Variants in STK3 observed in about 807,000 individuals in gnomAD.
The protein encoded by STK3 is serine/threonine kinase 3, also known as serine/threonine-protein kinase 3.
In STK3, 41 loss-of-function variants were observed where a neutral mutation model predicts 58.0. That is an observed-to-expected ratio of 0.71 (90% confidence interval 0.55 to 0.92). The LOEUF is 0.92. STK3 is among the 40% of genes least tolerant of loss of function. STK3 has a pLI of 0.00. For synonymous variants in STK3, 170 were observed against 191.0 expected (o/e 0.89, Z 0.91); for missense variants, 479 against 602.7 (o/e 0.79, Z 2.15).
intron 1 of STK3, among the ~76,000 whole-genome samples, chr8:98,899,695 C>T (rs1470456411): frequency 6.6e-6 from 1 of 152,048 alleles, no homozygotes; most frequent in Non-Finnish European, 1.5e-5. Flanking sequence ...TATTCTGTGC[C>T]AAGGGCATGA....
chr8:98,526,458 A>G (rs1311012576), intron 10 of STK3: 1 of 200,382 alleles, frequency 5.0e-6, no homozygotes, highest in Non-Finnish European at 9.9e-6. Flanking sequence ...ACATCTTTTA[A>G]AATAGTTGTC....
At chr8:98,882,076 A>G (rs1587796454), downstream of STK3, 1 of 152,174 alleles carries the variant, frequency 6.6e-6, no homozygotes, top group African/African-American at 2.4e-5. Flanking sequence ...TTGATAATCA[A>G]TTCTAACTAT....
chr8:98,749,172 T>G, intron 4 of STK3, 104 bp downstream of exon 4: 1 of 856,598 alleles, frequency 1.2e-6, no homozygotes, highest in Non-Finnish European at 1.8e-6. Flanking sequence ...AAACCTTTTC[T>G]TTTTTCATGC....
At chr8:98,935,479 T>C (rs111277328) in intron 1 of STK3, among the ~76,000 whole-genome samples, 1 of 152,206 alleles carries the variant, frequency 6.6e-6, no homozygotes, top group Non-Finnish European at 1.5e-5. Flanking sequence ...CCCAAATTAA[T>C]TGCATCATTA....
chr8:98,524,676 G>A (rs1211264908), intron 10 of STK3, among the ~76,000 whole-genome samples: 1 of 152,140 alleles, frequency 6.6e-6, no homozygotes, highest in African/African-American at 2.4e-5. Context: ...TCACCTTCTT[G>A]GAAGGCTACT....
At chr8:98,452,559 C>A (rs910298159), downstream of STK3, among the ~76,000 whole-genome samples, 10 of 152,106 alleles carry the variant, frequency 6.6e-5, no homozygotes, top group African/African-American at 2.4e-4. Context: ...CAAGATGAAA[C>A]CCTGATTCAC....
intron 1 of STK3, among the ~76,000 whole-genome samples, chr8:98,902,349 G>A (rs934304418): frequency 6.6e-6 from 1 of 152,106 alleles, no homozygotes; most frequent in Non-Finnish European, 1.5e-5. Flanking sequence ...CCACTTAAAT[G>A]TCTCTAAGAT....
chr8:98,575,629 A>G (rs926147316), intron 8 of STK3, among the ~76,000 whole-genome samples: 13 of 149,196 alleles, frequency 8.7e-5, no homozygotes, highest in Non-Finnish European at 1.3e-4. Context: ...TTCTCTATAC[A>G]GTTTGCTTTT....
At chr8:98,789,500 G>T (rs1832674754) in intron 1 of STK3, among the ~76,000 whole-genome samples, 1 of 151,838 alleles carries the variant, frequency 6.6e-6, no homozygotes, top group Non-Finnish European at 1.5e-5. Context: ...AAAATTAATA[G>T]AACATTAACA....
At chr8:98,754,112 T>C (rs1357020747) in intron 3 of STK3, among the ~76,000 whole-genome samples, 1 of 152,208 alleles carries the variant, frequency 6.6e-6, no homozygotes, top group African/African-American at 2.4e-5. Context: ...ACCTTAAATT[T>C]CCAGACACAC....
upstream of STK3, among the ~76,000 whole-genome samples, chr8:98,391,076 C>G (rs1250211417): frequency 2.0e-5 from 3 of 152,148 alleles, no homozygotes; most frequent in Non-Finnish European, 4.4e-5. Context: ...TGAGATTTGT[C>G]TGTTTTTTTA....
At chr8:98,594,381 C>T (rs1396756544) in intron 7 of STK3, among the ~76,000 whole-genome samples, 1 of 152,062 alleles carries the variant, frequency 6.6e-6, no homozygotes, top group African/African-American at 2.4e-5. Context: ...AGGCGGATCA[C>T]TTGAGGTCAG....
In STK3 at chr8:98,632,672, C is replaced by G. The variant is rs531519505; in HGVS notation, c.685-36503G>C. Among the ~76,000 whole-genome samples the G allele has an allele frequency of 7.9e-5, 12 of 152,178 alleles. No homozygotes were observed. In the East Asian group the frequency reaches 1.9e-3, roughly 24 times the overall value. On this transcript the variant is annotated intron_variant, in intron 6 of 10. Coordinates refer to ENST00000419617, the MANE Select transcript of STK3 (RefSeq NM_006281.4). Reference sequence around the variant, plus strand: ...AATGATTTGTTTTCCTAAAACTAAACTGCACTAAAAAAATATGCATTATGA... The same window carrying G: ...AATGATTTGTTTTCCTAAAACTAAAGTGCACTAAAAAAATATGCATTATGA...
chr8:98,756,003 C>T (rs1186469511), intron 3 of STK3, among the ~76,000 whole-genome samples: 2 of 151,838 alleles, frequency 1.3e-5, no homozygotes, highest in Admixed American at 6.6e-5. Context: ...ATTAGCTGGG[C>T]GTGGTGGCAG....
intron 6 of STK3, among the ~76,000 whole-genome samples, chr8:98,616,947 C>G (rs1817785259): frequency 6.6e-6 from 1 of 152,176 alleles, no homozygotes; most frequent in African/African-American, 2.4e-5. Context: ...TAACTCATCT[C>G]CGCACCAAGC....
intron 10 of STK3, among the ~76,000 whole-genome samples, chr8:98,486,223 CTG>C (rs1563653554): frequency 6.6e-6 from 1 of 152,106 alleles, no homozygotes; most frequent in Non-Finnish European, 1.5e-5. Flanking sequence ...GGAAAAAAAA[CTG>C]TGAGAAAAAT....
chr8:98,429,320 T>C (rs1444076704), intron 3 of STK3: 1 of 1,614,122 alleles, frequency 6.2e-7, no homozygotes, highest in South Asian at 1.1e-5. Flanking sequence ...TAAGGGACTA[T>C]TATGCCCATA....
At chr8:98,659,508 C>CTT (rs113528602) in intron 6 of STK3, among the ~76,000 whole-genome samples, 1 of 145,224 alleles carries the variant, frequency 6.9e-6, no homozygotes, top group Non-Finnish European at 1.5e-5. Flanking sequence ...AATTACTTAA[C>CTT]TTTTTTTTTT....
At chr8:98,620,991 G>A (rs932951455) in intron 6 of STK3, among the ~76,000 whole-genome samples, 3 of 149,078 alleles carry the variant, frequency 2.0e-5, no homozygotes, top group Non-Finnish European at 4.5e-5. Context: ...GTGCAGTGGC[G>A]GGATCTCGGC....
Sources: gnomAD v4.1 joint callset for allele counts (sites outside exome capture counted in the v4.1 genomes callset) on GRCh38, gnomAD v4.1.1 for gene constraint, MANE v1.5 for transcripts, NCBI Gene and HGNC (gene_info 2026-07-23, HGNC 2026-07-21) for gene names.